Variants in ZC3H12C observed in about 807,000 individuals in gnomAD.
The protein encoded by ZC3H12C is zinc finger CCCH-type containing 12C.
In ZC3H12C, 20 loss-of-function variants were observed where a neutral mutation model predicts 76.3. The ratio of observed to expected loss-of-function variants is 0.26; its 90% confidence interval spans 0.18 to 0.38. The LOEUF is 0.38. Ranked by LOEUF, ZC3H12C falls within the 10% of genes least tolerant of loss-of-function variation. The probability of loss-of-function intolerance (pLI) is 1.00; values close to 1 mark genes in which losing one functional copy is unlikely to be tolerated. For missense variants in ZC3H12C, 874 were observed against 1,086.5 expected (o/e 0.80, Z 2.75); for synonymous variants, 352 against 399.6 (o/e 0.88, Z 1.42).
At chr11:110,153,183 G>GTT in intron 3 of ZC3H12C, 125 bp downstream of exon 3, 1 of 1,209,404 alleles carries the variant, frequency 8.3e-7, no homozygotes, top group Non-Finnish European at 1.1e-6. Flanking sequence ...CACAAACGTT[G>GTT]TTTTTTGTTG....
rs546008814 is a variant in ZC3H12C at position 110,153,201 on chromosome 11, T to G, written c.913+143T>G. ...AAACGTTGTTTTTTGTTGTTGTTGT[T>G]TTCTGAGATAGAGTCTCCCACTGTC... is the stretch of plus-strand genomic sequence containing the variant. On this transcript the variant is annotated intron_variant, in intron 3 of 5. Transcript: ENST00000278590. 3.8e-4 allele frequency: 421 copies of G among 1,108,964 alleles called. 2 individuals are homozygous for G. The South Asian group carries it at 6.5e-3, about 17-fold the overall frequency. The allele number at this position is 1,108,964 out of a possible 1,614,324, so 68.7% of individuals were successfully genotyped here. A position where few individuals can be genotyped will look rare whatever the true frequency, so the allele number is the denominator to read the frequency against.
chr11:110,095,958 T>C lies in ZC3H12C; in HGVS notation c.21+2526T>C, dbSNP rs531300045. On this transcript the variant is annotated intron_variant, in intron 1 of 5. Transcript: ENST00000278590. ...AATTAATTCAATCAGGATTCCAAAT[T>C]TAAGCCTAAAATATTGAGATTCCGG... 3.8e-3 allele frequency among the ~76,000 whole-genome samples: 580 copies of C among 152,338 alleles called. 5 individuals are homozygous for C. The highest frequency in any genetic ancestry group is 0.013 in the African/African-American group (542 of 41,576).
At position 110,134,963 on chromosome 11, in the gene ZC3H12C, C is replaced by T. The variant is rs142060408; in HGVS notation, c.22-1700C>T. Among the ~76,000 whole-genome samples the T allele has an allele frequency of 1.8e-4, 27 of 152,190 alleles. No individual in the cohort carries two copies. In the East Asian group the frequency reaches 4.8e-3, roughly 27 times the overall value. On this transcript the variant is annotated intron_variant, in intron 1 of 5. Coordinates refer to ENST00000278590, the MANE Select transcript of ZC3H12C (RefSeq NM_033390.2). ...TACTTGACTCTCTAATTAAAGTTTA[C>T]CAGGTATGCTTTCAAATTTGTGACT...
chr11:110,137,172 A>G lies in ZC3H12C; in HGVS notation c.531A>G (p.Glu177=), dbSNP rs755252830. Residue 177 remains glutamate (E), a synonymous_variant, in exon 2 of 6, where the codon GAA becomes GAG. Coordinates refer to ENST00000278590, the MANE Select transcript of ZC3H12C (RefSeq NM_033390.2). The stretch of plus-strand genomic sequence containing the variant: ...CACTTAAGTTAGGTTATTCTGAAGA[A>G]CAGGTTCAGCTTGTACTAAACAAAC... ...EFALKLGYSE[E]QVQLVLNKLG... The G allele has an allele frequency of 6.2e-7, 1 of 1,613,896 alleles. No homozygotes were observed. Among genetic ancestry groups the G allele is most frequent in the South Asian group, 1.1e-5 (1 of 91,040 alleles).
chr11:110,140,080 T>A (rs1862043113), intron 2 of ZC3H12C, among the ~76,000 whole-genome samples: 1 of 152,084 alleles, frequency 6.6e-6, no homozygotes, highest in African/African-American at 2.4e-5. Context: ...GGCAGGTGGA[T>A]CACTTAAGGC....
At chr11:110,116,811 GAGACAC>G (rs1731310659) in intron 1 of ZC3H12C, among the ~76,000 whole-genome samples, 1 of 152,178 alleles carries the variant, frequency 6.6e-6, no homozygotes, top group African/African-American at 2.4e-5. Flanking sequence ...TGAGGAAAAT[GAGACAC>G]AGAGAGGTTA....
At chr11:110,153,512 G>C (rs1411362476) in intron 3 of ZC3H12C, among the ~76,000 whole-genome samples, 1 of 151,540 alleles carries the variant, frequency 6.6e-6, no homozygotes, top group Non-Finnish European at 1.5e-5. Flanking sequence ...AAAACTATCT[G>C]GTTTTATTAA....
At chr11:110,160,611 C>G (rs662661) in intron 4 of ZC3H12C, among the ~76,000 whole-genome samples, 1 of 151,782 alleles carries the variant, frequency 6.6e-6, no homozygotes, top group South Asian at 2.1e-4. Flanking sequence ...TCCTCCACCC[C>G]CACATATTGT....
chr11:110,137,541 A>T (rs1244802360), intron 2 of ZC3H12C, 127 bp downstream of exon 2: 1 of 1,119,900 alleles, frequency 8.9e-7, no homozygotes, highest in Non-Finnish European at 1.2e-6. Flanking sequence ...TGATGTTAAC[A>T]TTAGAAAACA....
In ZC3H12C at chr11:110,117,844, C is replaced by T. The variant is rs200153995; in HGVS notation, c.22-18819C>T. 1.6e-3 allele frequency among the ~76,000 whole-genome samples: 143 copies of T among 87,448 alleles called. 3 individuals carry two copies. The highest frequency in any genetic ancestry group is 2.6e-3 in the African/African-American group (47 of 18,424). The allele number at this position is 87,448 out of a possible 152,430, so 57.4% of individuals were successfully genotyped here. A position where few individuals can be genotyped will look rare whatever the true frequency, so the allele number is the denominator to read the frequency against. On this transcript the variant is annotated intron_variant, in intron 1 of 5. Transcript: ENST00000278590. ...CACACACACATATAATATATATATA[C>T]ACACACACATATATATAATATATAT...
chr11:110,120,752 A>G (rs1458509830), intron 1 of ZC3H12C, among the ~76,000 whole-genome samples: 14 of 152,218 alleles, frequency 9.2e-5, no homozygotes, highest in Admixed American at 5.9e-4. Flanking sequence ...TCATTTTTCA[A>G]TCACTGTGTA....
chr11:110,155,756 G>C (rs1002106183), intron 3 of ZC3H12C, among the ~76,000 whole-genome samples: 2 of 152,056 alleles, frequency 1.3e-5, no homozygotes, highest in African/African-American at 4.8e-5. Context: ...AAAATACACA[G>C]AAAATGATGA....
In ZC3H12C at chr11:110,122,101, G is replaced by A. The variant is rs751325204; in HGVS notation, c.22-14562G>A. Among the ~76,000 whole-genome samples, 72 of 152,116 alleles carry A rather than the reference G, an allele frequency of 4.7e-4. 1 individual carries two copies. Among genetic ancestry groups the A allele is most frequent in the Non-Finnish European group, 9.7e-4 (66 of 68,032 alleles). Reference sequence around the variant, plus strand: ...ACTTAAAGAAGAACAAGACATGCACGTATCCTCATTTGGTACAAGCAGCCT... The same window carrying A: ...ACTTAAAGAAGAACAAGACATGCACATATCCTCATTTGGTACAAGCAGCCT... On this transcript the variant is annotated intron_variant, in intron 1 of 5. Coordinates refer to ENST00000278590, the MANE Select transcript of ZC3H12C (RefSeq NM_033390.2).
intron 2 of ZC3H12C, among the ~76,000 whole-genome samples, chr11:110,143,698 T>A (rs1183336706): frequency 6.6e-6 from 1 of 152,188 alleles, no homozygotes; most frequent in African/African-American, 2.4e-5. Context: ...TGTATGTGTA[T>A]ATATGTATAA....
At chr11:110,115,932 G>A (rs997470804) in intron 1 of ZC3H12C, among the ~76,000 whole-genome samples, 2 of 151,470 alleles carry the variant, frequency 1.3e-5, no homozygotes, top group African/African-American at 4.8e-5. Flanking sequence ...GCTAATTTTT[G>A]TATTTTTAGT....
intron 1 of ZC3H12C, among the ~76,000 whole-genome samples, chr11:110,132,998 C>T (rs959079829): frequency 2.1e-4 from 32 of 152,166 alleles, no homozygotes; most frequent in African/African-American, 6.7e-4. Flanking sequence ...ATTCTTTCTT[C>T]TTAAGTTTCT....
At chr11:110,159,216 G>C in intron 3 of ZC3H12C, 40 bp from the exon 4 acceptor site, 4 of 1,495,928 alleles carry the variant, frequency 2.7e-6, no homozygotes, top group Non-Finnish European at 3.7e-6. Flanking sequence ...TGTTATCTAT[G>C]TATTTACTTT....
intron 1 of ZC3H12C, among the ~76,000 whole-genome samples, chr11:110,125,740 G>A (rs1055144672): frequency 2.6e-5 from 4 of 152,084 alleles, no homozygotes; most frequent in South Asian, 2.1e-4. Context: ...ATCTCCTTAC[G>A]GCCTGACAGG....
intron 1 of ZC3H12C, among the ~76,000 whole-genome samples, chr11:110,113,855 G>T (rs1391681920): frequency 6.6e-6 from 1 of 151,862 alleles, no homozygotes; most frequent in African/African-American, 2.4e-5. Flanking sequence ...CTTTTACTTA[G>T]ACTATTATAA....
Sources: gnomAD v4.1 joint callset for allele counts (sites outside exome capture counted in the v4.1 genomes callset) on GRCh38, gnomAD v4.1.1 for gene constraint, MANE v1.5 for transcripts, NCBI Gene and HGNC (gene_info 2026-07-23, HGNC 2026-07-21) for gene names.